CNTNAP2: variants seen among roughly 807,000 people sequenced by gnomAD.
CNTNAP2 encodes the protein contactin-associated protein-like 2.
In CNTNAP2, 98 loss-of-function variants were observed where a neutral mutation model predicts 155.2. That is an observed-to-expected ratio of 0.63 (90% CI 0.54 to 0.75). The LOEUF (loss-of-function observed/expected upper bound fraction) is 0.75, where lower values mean the gene tolerates loss of function less well. Ranked by LOEUF, CNTNAP2 falls within the 30% of genes least tolerant of loss-of-function variation. The pLI is 0.00. For missense variants in CNTNAP2, 1,727 were observed against 1,688.1 expected (o/e 1.02, Z -0.40); for synonymous variants, 651 against 631.2 (o/e 1.03, Z -0.47).
intron 1 of CNTNAP2, among the ~76,000 whole-genome samples, chr7:146,118,069 A>C (rs1797512121): frequency 6.6e-6 from 1 of 152,210 alleles, no homozygotes. Context: ...GGGATGTATT[A>C]ATGCATCTTT....
intron 8 of CNTNAP2, among the ~76,000 whole-genome samples, chr7:147,252,860 TGA>T (rs900352582): frequency 6.6e-6 from 1 of 152,212 alleles, no homozygotes; most frequent in African/African-American, 2.4e-5. Context: ...ATGATAAACC[TGA>T]GACACTGAAA....
At chr7:147,927,620 C>T (rs1800418773) in intron 14 of CNTNAP2, among the ~76,000 whole-genome samples, 1 of 152,120 alleles carries the variant, frequency 6.6e-6, no homozygotes, top group African/African-American at 2.4e-5. Flanking sequence ...CAAGTTGTTC[C>T]TTGAGACATA....
chr7:147,649,935 T>G (rs1795424790), intron 13 of CNTNAP2, among the ~76,000 whole-genome samples: 2 of 152,148 alleles, frequency 1.3e-5, no homozygotes, highest in Admixed American at 6.5e-5. Context: ...AGGAGAAAAT[T>G]TTTAAAAAGT....
chr7:148,404,457 A>G (rs1444801247), intron 22 of CNTNAP2, among the ~76,000 whole-genome samples: 1 of 152,012 alleles, frequency 6.6e-6, no homozygotes, highest in Non-Finnish European at 1.5e-5. Context: ...AGGAACTCCT[A>G]TGAGACGGGA....
rs1795382784 is a variant in CNTNAP2, at chr7:148,202,411, TCCAGAAAC to T, written c.3011-14876_3011-14869del. On this transcript the variant is annotated intron_variant, in intron 18 of 23. Coordinates refer to ENST00000361727, the MANE Select transcript of CNTNAP2 (RefSeq NM_014141.6). ...TTCTGAAAATCACACACACGCATTT[TCCAGAAAC>T]TCATTTGAGGTTGATTTTATGTGTA... 3.3e-5 allele frequency among the ~76,000 whole-genome samples: 5 copies of T among 152,308 alleles called. 1 individual carries two copies. The highest frequency in any genetic ancestry group is 7.2e-5 in the African/African-American group (3 of 41,568).
intron 19 of CNTNAP2, 53 bp from the exon 20 acceptor site, chr7:148,229,593 T>C: frequency 6.2e-7 from 1 of 1,603,900 alleles, no homozygotes; most frequent in South Asian, 1.1e-5. Context: ...GATGTGACAT[T>C]AAAATGAAAT....
At chr7:147,937,098 A>T (rs1481636525) in intron 14 of CNTNAP2, among the ~76,000 whole-genome samples, 2 of 151,954 alleles carry the variant, frequency 1.3e-5, no homozygotes, top group Middle Eastern at 3.4e-3. Context: ...GTGCTCCGGG[A>T]CTTTATTTTT....
Position 147,836,860 on chromosome 7 carries a change from A to T in CNTNAP2, c.2099-66705A>T, listed in dbSNP as rs182796102. 2.6e-3 allele frequency among the ~76,000 whole-genome samples: 389 copies of T among 152,346 alleles called. 9 individuals carry two copies. The highest frequency in any genetic ancestry group is 0.024 in the Admixed American group (364 of 15,300). On this transcript the variant is annotated intron_variant, in intron 13 of 23. Coordinates refer to ENST00000361727, the MANE Select transcript of CNTNAP2 (RefSeq NM_014141.6). Reference sequence around the variant, plus strand: ...AACATATAAAATTGAAATTGTAGAAAAATCTGTACATAGTCATAATTTGAA... The same window carrying T: ...AACATATAAAATTGAAATTGTAGAATAATCTGTACATAGTCATAATTTGAA...
At chr7:146,332,964 T>G (rs1209038695) in intron 1 of CNTNAP2, among the ~76,000 whole-genome samples, 2 of 138,408 alleles carry the variant, frequency 1.4e-5, no homozygotes, top group African/African-American at 6.3e-5. Flanking sequence ...TTTTTTTTTT[T>G]GACAGGTCTC....
At chr7:147,645,936 T>C (rs2116934180) in intron 13 of CNTNAP2, among the ~76,000 whole-genome samples, 1 of 152,180 alleles carries the variant, frequency 6.6e-6, no homozygotes, top group East Asian at 1.9e-4. Context: ...AAACCGGAAA[T>C]TAATTCAGAG....
At chr7:146,901,052 T>C (rs1222907033) in intron 3 of CNTNAP2, among the ~76,000 whole-genome samples, 1 of 151,630 alleles carries the variant, frequency 6.6e-6, no homozygotes, top group East Asian at 1.9e-4. Context: ...ATAATAATAA[T>C]AATAATGTTT....
chr7:147,551,467 TA>T (rs1436538838), intron 11 of CNTNAP2, among the ~76,000 whole-genome samples: 1 of 152,236 alleles, frequency 6.6e-6, no homozygotes, highest in African/African-American at 2.4e-5. Flanking sequence ...GCAATTTCAT[TA>T]TTTGATTCTG....
chr7:146,991,679 A>G (rs913544762), intron 3 of CNTNAP2, among the ~76,000 whole-genome samples: 12 of 152,224 alleles, frequency 7.9e-5, no homozygotes, highest in African/African-American at 2.9e-4. Flanking sequence ...AAGAAAGTGC[A>G]ACATAATGGT....
chr7:147,090,635 A>G lies in CNTNAP2; in HGVS notation c.551-17512A>G, dbSNP rs1449790881. 3.3e-5 allele frequency among the ~76,000 whole-genome samples: 5 copies of G among 152,178 alleles called. No homozygotes were observed. The East Asian group carries it at 5.8e-4, about 18-fold the overall frequency. On this transcript the variant is annotated intron_variant, in intron 4 of 23. Transcript: ENST00000361727. ...TTATCAAGCAACTAAGAATATAAGT[A>G]ATAATTATAAATTGTTGTGTTAGAT...
intron 3 of CNTNAP2, among the ~76,000 whole-genome samples, chr7:146,982,793 G>A (rs1457306891): frequency 5.3e-5 from 8 of 152,146 alleles, no homozygotes; most frequent in Non-Finnish European, 1.2e-4. Context: ...AAAAGGTCCA[G>A]AGAAGAAAAG....
intron 13 of CNTNAP2, among the ~76,000 whole-genome samples, chr7:147,690,462 C>T (rs919515887): frequency 6.6e-6 from 1 of 152,110 alleles, no homozygotes. Flanking sequence ...ATGACTATAT[C>T]TCAGACATTG....
At chr7:147,134,903 A>G (rs528933415) in intron 8 of CNTNAP2, among the ~76,000 whole-genome samples, 23 of 151,904 alleles carry the variant, frequency 1.5e-4, no homozygotes, top group Non-Finnish European at 2.7e-4. Context: ...AATGCAGAAA[A>G]TCTAGAAAAG....
chr7:147,212,009 C>T (rs1206600562), intron 8 of CNTNAP2, among the ~76,000 whole-genome samples: 2 of 152,218 alleles, frequency 1.3e-5, no homozygotes, highest in Non-Finnish European at 2.9e-5. Flanking sequence ...CTCGACATCA[C>T]TAATCATCAG....
intron 9 of CNTNAP2, among the ~76,000 whole-genome samples, chr7:147,305,459 G>A (rs1795011077): frequency 2.0e-5 from 3 of 152,068 alleles, no homozygotes; most frequent in South Asian, 2.1e-4. Context: ...GAAATCCTTG[G>A]TTTGGCTCAT....
Sources: gnomAD v4.1 joint callset for allele counts (sites outside exome capture counted in the v4.1 genomes callset) on GRCh38, gnomAD v4.1.1 for gene constraint, MANE v1.5 for transcripts, NCBI Gene and HGNC (gene_info 2026-07-23, HGNC 2026-07-21) for gene names.